The following ZNF585B variants were observed in gnomAD, a reference collection of about 807,000 sequenced individuals.
ZNF585B encodes zinc finger protein 41-like protein.
A neutral mutation model predicts 14.0 loss-of-function variants in ZNF585B; 7 were observed. That is an observed-to-expected ratio of 0.50 (90% CI 0.28 to 0.94). The LOEUF (loss-of-function observed/expected upper bound fraction) is 0.94, where lower values mean the gene tolerates loss of function less well. Among genes scored for constraint, ZNF585B ranks in the 40% least tolerant of loss-of-function variants. ZNF585B has a pLI of 0.09. For synonymous variants in ZNF585B, 290 were observed against 317.3 expected (o/e 0.91, Z 0.91); for missense variants, 750 against 924.4 (o/e 0.81, Z 2.45).
At chr19:37,188,372 G>C (rs1972362469) in intron 4 of ZNF585B, among the ~76,000 whole-genome samples, 1 of 152,186 alleles carries the variant, frequency 6.6e-6, no homozygotes, top group Admixed American at 6.5e-5. Flanking sequence ...TGTAATCCCA[G>C]CTACGTGGGA....
intron 2 of ZNF585B, among the ~76,000 whole-genome samples, chr19:37,197,942 A>G (rs987084299): frequency 1.3e-5 from 2 of 152,148 alleles, no homozygotes; most frequent in African/African-American, 4.8e-5. Context: ...TGAAGGTGAG[A>G]AAAAGGATTA....
rs775199444 is a variant in ZNF585B at position 37,186,039 on chromosome 19, C to A, written c.1498G>T (p.Gly500Ter). Residue 500 changes from glycine to a stop codon, truncating the protein, a stop_gained, in exon 5 of 5, where the codon GGA becomes TGA. Coordinates refer to ENST00000532828, the MANE Select transcript of ZNF585B (RefSeq NM_152279.4). LOFTEE classifies it low-confidence loss of function (END_TRUNC). ...GEKSYICSKC[G>*]KAFTQRSDLI... is the part of the protein sequence containing the mutation. ...TCTGACCTCTGGGTGAAGGCCTTTC[C>A]ACATTTGGAACATATATAAGATTTC... 6.2e-7 allele frequency: 1 copy of A among 1,613,924 alleles called. No individual in the cohort carries two copies. Among genetic ancestry groups the A allele is most frequent in the East Asian group, 2.2e-5 (1 of 44,860 alleles).
chr19:37,189,182 C>T (rs913343017), intron 4 of ZNF585B, among the ~76,000 whole-genome samples: 1 of 152,086 alleles, frequency 6.6e-6, no homozygotes, highest in Admixed American at 6.6e-5. Context: ...AAGAGATACA[C>T]CCACCTTGGC....
chr19:37,199,199 G>C (rs1836961784), intron 2 of ZNF585B: 1 of 490,086 alleles, frequency 2.0e-6, no homozygotes, highest in Admixed American at 3.3e-5. Context: ...GGCTGGAATA[G>C]AGCTTTACCA....
intron 2 of ZNF585B, among the ~76,000 whole-genome samples, chr19:37,201,865 T>C (rs1972533945): frequency 6.6e-6 from 1 of 152,224 alleles, no homozygotes; most frequent in Non-Finnish European, 1.5e-5. Context: ...TGCTAGACTG[T>C]GTACCATTAC....
Position 37,181,829 on chromosome 19 carries a change from A to C in ZNF585B, c.*3398T>G, listed in dbSNP as rs1207935790. 9 of 152,352 alleles carry C rather than the reference A, an allele frequency of 5.9e-5. No homozygotes were observed. The highest frequency in any genetic ancestry group is 2.2e-4 in the African/African-American group (9 of 41,578). The allele number at this position is 152,352 out of a possible 1,614,324, so 9.4% of individuals were successfully genotyped here. A position where few individuals can be genotyped will look rare whatever the true frequency, so the allele number is the denominator to read the frequency against. ...TTCAGAGGCAAAATTATGGAGACAA[A>C]AGAAAATAGCCAGGAGTTTAGAGGA... On this transcript the variant is annotated 3_prime_UTR_variant, in exon 5 of 5. Transcript: ENST00000532828.
In ZNF585B at chr19:37,186,685, T is replaced by C; in HGVS notation, c.852A>G (p.Gln284=). 6.2e-7 allele frequency: 1 copy of C among 1,613,752 alleles called. No individual in the cohort carries two copies. Among genetic ancestry groups the C allele is most frequent in the South Asian group, 1.1e-5 (1 of 91,074 alleles). ...ECGQAFIQKT[Q]LIAHRRIHSG... ...TATGAATTCTTCGGTGTGCAATCAATTGTGTTTTCTGGATGAAGGCCTGCC... is the reference window on the plus strand; with the variant it reads ...TATGAATTCTTCGGTGTGCAATCAACTGTGTTTTCTGGATGAAGGCCTGCC... Residue 284 remains glutamine, a synonymous_variant, in exon 5 of 5, where the codon CAA becomes CAG. Transcript: ENST00000532828.
rs4805208 is a variant in ZNF585B, at chr19:37,183,357, G to A, written c.*1870C>T. 0.16 allele frequency: 24,136 copies of A among 152,078 alleles called. 2,073 individuals are homozygous for A. Among genetic ancestry groups the A allele is most frequent in the African/African-American group, 0.23 (9,602 of 41,410 alleles). The allele number at this position is 152,078 out of a possible 1,614,324, so 9.4% of individuals were successfully genotyped here. A position where few individuals can be genotyped will look rare whatever the true frequency, so the allele number is the denominator to read the frequency against. ...CAGAAAAAAATCAGACAGAAGTCACGCAACAAGCATGGGTCAACTCTCCAC... is the reference window on the plus strand; with the variant it reads ...CAGAAAAAAATCAGACAGAAGTCACACAACAAGCATGGGTCAACTCTCCAC... On this transcript the variant is annotated 3_prime_UTR_variant, in exon 5 of 5. Transcript: ENST00000532828.
intron 2 of ZNF585B, among the ~76,000 whole-genome samples, chr19:37,206,299 A>T (rs544084076): frequency 6.6e-6 from 1 of 151,986 alleles, no homozygotes; most frequent in Non-Finnish European, 1.5e-5. Flanking sequence ...TAAAAATACA[A>T]AATTAGCCGA....
intron 1 of ZNF585B, among the ~76,000 whole-genome samples, chr19:37,208,273 C>T (rs1031445426): frequency 6.6e-6 from 1 of 152,062 alleles, no homozygotes; most frequent in Admixed American, 6.6e-5. Context: ...GCCCAACCCA[C>T]CTCACACTAT....
At chr19:37,200,549 C>CAAA (rs368092726) in intron 2 of ZNF585B, among the ~76,000 whole-genome samples, 2 of 48,770 alleles carry the variant, frequency 4.1e-5, no homozygotes, top group Non-Finnish European at 8.5e-5. Context: ...GATTCTGTCT[C>CAAA]AAAAAAAAAA....
chr19:37,184,425 A>G lies in ZNF585B; in HGVS notation c.*802T>C, dbSNP rs1437836420. On this transcript the variant is annotated 3_prime_UTR_variant, in exon 5 of 5. Coordinates refer to ENST00000532828, the MANE Select transcript of ZNF585B (RefSeq NM_152279.4). ...GAAAGAAAGAAAGAAAGAGAAAGAAAGAAAAAGAAAGAAAGAAGGAAAGAA... is the reference window on the plus strand; with the variant it reads ...GAAAGAAAGAAAGAAAGAGAAAGAAGGAAAAAGAAAGAAAGAAGGAAAGAA... 33 of 102,470 alleles carry G rather than the reference A, an allele frequency of 3.2e-4. No individual in the cohort carries two copies. The highest frequency in any genetic ancestry group is 1.3e-3 in the African/African-American group (28 of 21,586). 6.3% of individuals were successfully genotyped at this position (102,470 alleles called of 1,614,324 possible).
chr19:37,210,407 T>G (rs1196540275), intron 1 of ZNF585B, 34 bp downstream of exon 1: 2 of 152,202 alleles, frequency 1.3e-5, no homozygotes, highest in African/African-American at 4.8e-5. Flanking sequence ...ACTCCTCTAT[T>G]ACTGACTTCA....
chr19:37,204,622 T>A (rs886536441), intron 2 of ZNF585B, among the ~76,000 whole-genome samples: 2 of 152,236 alleles, frequency 1.3e-5, no homozygotes, highest in African/African-American at 2.4e-5. Context: ...TCATCCAGGC[T>A]GGAGTGCAGT....
chr19:37,204,761 T>C (rs1972567965), intron 2 of ZNF585B, among the ~76,000 whole-genome samples: 1 of 151,666 alleles, frequency 6.6e-6, no homozygotes, highest in African/African-American at 2.4e-5. Context: ...TTTTTTTTTT[T>C]TTTGAGACAG....
Position 37,183,624 on chromosome 19 carries a change from G to T in ZNF585B, c.*1603C>A, listed in dbSNP as rs982741412. 1 of 152,156 alleles carries T rather than the reference G, an allele frequency of 6.6e-6. No individual in the cohort carries two copies. The highest frequency in any genetic ancestry group is 2.4e-5 in the African/African-American group (1 of 41,430). The allele number at this position is 152,156 out of a possible 1,614,324, so 9.4% of individuals were successfully genotyped here. ...ATGGAAAAAAAGACATGACGGACAA[G>T]CCACAGATAAAATAAAGAATTGTGC... On this transcript the variant is annotated 3_prime_UTR_variant, in exon 5 of 5. Transcript: ENST00000532828.
chr19:37,202,640 G>GT (rs74179495), intron 2 of ZNF585B, among the ~76,000 whole-genome samples: 6,194 of 137,544 alleles, frequency 0.045, 234 homozygotes, highest in Non-Finnish European at 0.076. Flanking sequence ...TATTTGCATG[G>GT]TTTTTTTTTT....
intron 2 of ZNF585B, among the ~76,000 whole-genome samples, chr19:37,206,173 TG>T (rs772618255): frequency 6.6e-6 from 1 of 150,970 alleles, no homozygotes; most frequent in Non-Finnish European, 1.5e-5. Flanking sequence ...GGAAACAGGC[TG>T]GGAACAGTGG....
In ZNF585B at chr19:37,182,091, G is replaced by C. The variant is rs1177935193; in HGVS notation, c.*3136C>G. The C allele has an allele frequency of 1.3e-5, 2 of 152,110 alleles. No homozygotes were observed. The highest frequency in any genetic ancestry group is 3.9e-4 in the East Asian group (2 of 5,176). The allele number at this position is 152,110 out of a possible 1,614,324, so 9.4% of individuals were successfully genotyped here. A position where few individuals can be genotyped will look rare whatever the true frequency, so the allele number is the denominator to read the frequency against. On this transcript the variant is annotated 3_prime_UTR_variant, in exon 5 of 5. Coordinates refer to ENST00000532828, the MANE Select transcript of ZNF585B (RefSeq NM_152279.4). ...GAGGCTGTGTATATGTGAGGGTAGG[G>C]GATATATGGGAAATCTCTGTACCTT...
Sources: gnomAD v4.1 joint callset for allele counts (sites outside exome capture counted in the v4.1 genomes callset) on GRCh38, gnomAD v4.1.1 for gene constraint, MANE v1.5 for transcripts, NCBI Gene and HGNC (gene_info 2026-07-23, HGNC 2026-07-21) for gene names.